The following PTGIS variants were observed in gnomAD, a reference collection of about 807,000 sequenced individuals.
PTGIS encodes the protein prostacyclin synthase.
Under a neutral mutation model 50.3 loss-of-function variants are expected in PTGIS, and 45 were observed. The observed-to-expected ratio is 0.90, with a 90% CI of 0.70 to 1.15. PTGIS has a LOEUF of 1.15. Ranked by LOEUF, PTGIS falls within the 50% of genes most tolerant of loss-of-function variation. The pLI is 0.00. For synonymous variants in PTGIS, 260 were observed against 267.7 expected (o/e 0.97, Z 0.28); for missense variants, 668 against 661.3 (o/e 1.01, Z -0.11).
In PTGIS at chr20:49,547,832, G is replaced by A. The variant is rs551902959; in HGVS notation, c.377+9C>T. The A allele has an allele frequency of 3.1e-6, 5 of 1,613,944 alleles. No individual in the cohort carries two copies. In the South Asian group the frequency reaches 5.5e-5, roughly 18 times the overall value. On this transcript the variant is annotated intron_variant, in intron 3 of 9. Coordinates refer to ENST00000244043, the MANE Select transcript of PTGIS (RefSeq NM_000961.4). ...GGCCCTCCCACAGGTGCCATCTCCAGCCACTCACAGTTTCATCCTGGCCTT... is the reference window on the plus strand; with the variant it reads ...GGCCCTCCCACAGGTGCCATCTCCAACCACTCACAGTTTCATCCTGGCCTT...
intron 9 of PTGIS, among the ~76,000 whole-genome samples, chr20:49,510,209 A>G (rs573293858): frequency 1.3e-5 from 2 of 152,222 alleles, no homozygotes; most frequent in African/African-American, 2.4e-5. Context: ...TCACACAGCA[A>G]GGTGATTTTA....
In PTGIS at chr20:49,552,926, T is replaced by C. The variant is rs1475121850; in HGVS notation, c.75-2737A>G. ...TGTCTGTCTATGTATTTATATGTCC[T>C]GTATATAATGTTTCACTACAAAAAA... On this transcript the variant is annotated intron_variant, in intron 1 of 9. Transcript: ENST00000244043. Among the ~76,000 whole-genome samples, 3 of 152,238 alleles carry C rather than the reference T, an allele frequency of 2.0e-5. No homozygotes were observed. In the East Asian group the frequency reaches 5.8e-4, roughly 29 times the overall value.
intron 6 of PTGIS, among the ~76,000 whole-genome samples, chr20:49,520,827 C>T (rs1981633532): frequency 1.3e-5 from 2 of 151,908 alleles, no homozygotes; most frequent in African/African-American, 4.8e-5. Context: ...CCATCACGCC[C>T]AGCTTTTCTA....
chr20:49,546,556 A>C (rs1263179468), intron 3 of PTGIS, among the ~76,000 whole-genome samples: 2 of 152,150 alleles, frequency 1.3e-5, no homozygotes, highest in Admixed American at 1.3e-4. Flanking sequence ...GACTGTGTGA[A>C]CTCTGCAGGG....
At chr20:49,523,486 C>A (rs1568672469) in intron 6 of PTGIS, among the ~76,000 whole-genome samples, 1 of 151,290 alleles carries the variant, frequency 6.6e-6, no homozygotes, top group Non-Finnish European at 1.5e-5. Context: ...TAAAAAAAAA[C>A]AAAAACAAAA....
intron 6 of PTGIS, among the ~76,000 whole-genome samples, chr20:49,518,697 T>C (rs1395804744): frequency 6.6e-6 from 1 of 151,188 alleles, no homozygotes; most frequent in Non-Finnish European, 1.5e-5. Context: ...TCTTTACAGA[T>C]GGTGAAACTT....
At chr20:49,539,211 C>T (rs1334602851) in intron 5 of PTGIS, among the ~76,000 whole-genome samples, 1 of 152,122 alleles carries the variant, frequency 6.6e-6, no homozygotes, top group African/African-American at 2.4e-5. Flanking sequence ...TTTTATTCTT[C>T]CCTGTAAATT....
intron 6 of PTGIS, among the ~76,000 whole-genome samples, chr20:49,517,072 C>T (rs1350076954): frequency 2.6e-5 from 4 of 152,214 alleles, no homozygotes; most frequent in African/African-American, 4.8e-5. Flanking sequence ...ACACGTGCTG[C>T]GCCCATAGTA....
At chr20:49,541,365 G>GT (rs1342682702) in intron 4 of PTGIS, among the ~76,000 whole-genome samples, 2 of 151,956 alleles carry the variant, frequency 1.3e-5, no homozygotes, top group African/African-American at 4.8e-5. Context: ...TTGCACTGTT[G>GT]TTTTTTGCTA....
chr20:49,511,779 G>A (rs1235890929), intron 8 of PTGIS, among the ~76,000 whole-genome samples: 1 of 152,216 alleles, frequency 6.6e-6, no homozygotes, highest in Non-Finnish European at 1.5e-5. Flanking sequence ...TGGAAGGATA[G>A]GTGAATGAAC....
At chr20:49,544,223 C>A in intron 4 of PTGIS, 82 bp downstream of exon 4, 1 of 1,575,046 alleles carries the variant, frequency 6.3e-7, no homozygotes, top group South Asian at 1.1e-5. Flanking sequence ...AGAGTCCTCA[C>A]GGTTCCCTTG....
rs1346998881 is a variant in PTGIS at position 49,539,584 on chromosome 20, C to T, written c.659G>A (p.Gly220Asp). ...ATGGTGCTTACCCACTGACAGGGAGCCACGGGCCAGTTTGGGGAGCAGCCG... is the reference window on the plus strand; with the variant it reads ...ATGGTGCTTACCCACTGACAGGGAGTCACGGGCCAGTTTGGGGAGCAGCCG... Reference protein sequence around the residue: ...LDRLLPKLARGSLSVGDKDHM... With the variant: ...LDRLLPKLARDSLSVGDKDHM... The change falls in exon 5 of 10, where the codon GGC becomes GAC. Residue 220 changes from glycine (G) to aspartate (D), a missense_variant. Coordinates refer to ENST00000244043, the MANE Select transcript of PTGIS (RefSeq NM_000961.4). The T allele has an allele frequency of 6.2e-7, 1 of 1,613,616 alleles. No individual in the cohort carries two copies. The highest frequency in any genetic ancestry group is 1.3e-5 in the African/African-American group (1 of 74,936).
intron 6 of PTGIS, among the ~76,000 whole-genome samples, chr20:49,515,818 G>C (rs1020718385): frequency 2.0e-5 from 3 of 152,160 alleles, no homozygotes; most frequent in African/African-American, 7.2e-5. Flanking sequence ...GTGCAGGGTG[G>C]TGGCTCAGCA....
rs1042212689 is a variant in PTGIS, at chr20:49,539,660, G to C, written c.583C>G (p.Gln195Glu). Residue 195 changes from glutamine (Q) to glutamate (E), a missense_variant, in exon 5 of 10, where the codon CAG (glutamine) becomes GAG (glutamate). Gln to Glu is a conservative substitution (Grantham distance 29). Transcript: ENST00000244043. ...ACATCAGCTGAGTGGACGCGGTCCTGGGCCTGGCTTTCATGGGTGCGTGGC... is the reference window on the plus strand; with the variant it reads ...ACATCAGCTGAGTGGACGCGGTCCTCGGCCTGGCTTTCATGGGTGCGTGGC... ...ALPRTHESQA[Q>E]DRVHSADVFH... The C allele has an allele frequency of 6.2e-7, 1 of 1,613,918 alleles. No homozygotes were observed. The highest frequency in any genetic ancestry group is 1.3e-5 in the African/African-American group (1 of 75,058).
intron 6 of PTGIS, 28 bp from the exon 7 acceptor site, chr20:49,514,423 C>A: frequency 6.2e-7 from 1 of 1,610,424 alleles, no homozygotes; most frequent in Admixed American, 1.7e-5. Context: ...CCTGTTATGC[C>A]ATTATGAGGG....
intron 5 of PTGIS, among the ~76,000 whole-genome samples, chr20:49,529,953 G>A (rs1380775149): frequency 2.6e-5 from 4 of 152,004 alleles, no homozygotes. Context: ...TCGGGAGTTC[G>A]AGTCCAGTAT....
At chr20:49,528,721 C>T (rs147504752) in intron 5 of PTGIS, among the ~76,000 whole-genome samples, 3 of 152,280 alleles carry the variant, frequency 2.0e-5, no homozygotes, top group African/African-American at 7.2e-5. Context: ...ACACACTAAA[C>T]CTTACCCAAG....
At chr20:49,516,266 A>C (rs1466862619) in intron 6 of PTGIS, among the ~76,000 whole-genome samples, 1 of 151,982 alleles carries the variant, frequency 6.6e-6, no homozygotes, top group Non-Finnish European at 1.5e-5. Flanking sequence ...TACCTTTTAA[A>C]CTGTTCAAAA....
intron 9 of PTGIS, among the ~76,000 whole-genome samples, chr20:49,510,177 C>T (rs1981276593): frequency 6.6e-6 from 1 of 152,064 alleles, no homozygotes; most frequent in African/African-American, 2.4e-5. Flanking sequence ...GCGTGAATCC[C>T]TGCAGTTTTT....
Sources: allele counts gnomAD v4.1 joint callset (sites outside exome capture counted in the v4.1 genomes callset), GRCh38; gene constraint gnomAD v4.1.1; transcripts MANE v1.5; gene names NCBI Gene and HGNC (gene_info 2026-07-23, HGNC 2026-07-21).